The following DSTYK variants were observed in gnomAD, a reference collection of about 807,000 sequenced individuals.
DSTYK encodes RIP-homologous kinase.
Under a neutral mutation model 98.7 loss-of-function variants are expected in DSTYK, and 34 were observed. That is an observed-to-expected ratio of 0.34 (90% CI 0.26 to 0.46). The LOEUF is 0.46. Among genes scored for constraint, DSTYK ranks in the 20% least tolerant of loss-of-function variants. DSTYK has a pLI of 1.00. For synonymous variants in DSTYK, 462 were observed against 457.3 expected, an observed-to-expected ratio of 1.01 and a Z score of -0.13; for missense variants, 962 against 1,181.7, an observed-to-expected ratio of 0.81 and a Z score of 2.73.
At chr1:205,186,126 G>T (rs1658552709) in intron 2 of DSTYK, among the ~76,000 whole-genome samples, 1 of 152,234 alleles carries the variant, frequency 6.6e-6, no homozygotes, top group African/African-American at 2.4e-5. Context: ...ACTACAGAGA[G>T]ACTGTGTATG....
intron 2 of DSTYK, among the ~76,000 whole-genome samples, chr1:205,171,388 T>C (rs981216229): frequency 6.7e-6 from 1 of 149,904 alleles, no homozygotes; most frequent in African/African-American, 2.5e-5. Context: ...GAGGCGGAGG[T>C]TGCAGTGAGC....
chr1:205,179,945 T>C (rs1333370546), intron 2 of DSTYK, among the ~76,000 whole-genome samples: 3 of 152,162 alleles, frequency 2.0e-5, no homozygotes, highest in Admixed American at 1.3e-4. Context: ...GGAAGCCATT[T>C]GGTGCAGGAA....
At chr1:205,185,788 T>C (rs1257103434) in intron 2 of DSTYK, among the ~76,000 whole-genome samples, 2 of 150,724 alleles carry the variant, frequency 1.3e-5, no homozygotes, top group Non-Finnish European at 3.0e-5. Flanking sequence ...CTTTGGGAGG[T>C]TGAGGTGGGT....
intron 1 of DSTYK, chr1:205,202,512 T>G (rs763287208): frequency 1.8e-4 from 158 of 865,460 alleles, no homozygotes; most frequent in Middle Eastern, 3.4e-4. Flanking sequence ...AGGGTTTAGA[T>G]GTAGATTCTC....
chr1:205,177,202 A>G (rs1658257781), intron 2 of DSTYK, among the ~76,000 whole-genome samples: 1 of 152,166 alleles, frequency 6.6e-6, no homozygotes, highest in Non-Finnish European at 1.5e-5. Flanking sequence ...GTGAGACCCT[A>G]TTTCTAAAAT....
chr1:205,200,907 T>A (rs1458065270), intron 1 of DSTYK, among the ~76,000 whole-genome samples: 1 of 151,302 alleles, frequency 6.6e-6, no homozygotes, highest in Non-Finnish European at 1.5e-5. Context: ...AATAATAATT[T>A]AATTTTTTTT....
rs188383412 is a variant in DSTYK, at chr1:205,173,136, G to A, written c.655-3304C>T. The A allele has an allele frequency of 2.6e-3, 396 of 152,310 alleles. 2 individuals are homozygous for A. Among genetic ancestry groups the A allele is most frequent in the Middle Eastern group, 0.01 (3 of 296 alleles). The allele number at this position is 152,310 out of a possible 1,614,324, so 9.4% of individuals were successfully genotyped here. ...AGGCTGGGTGTGGTGGCTCACACTT[G>A]TAATCCCAGCACTTTGGGAGGCTGG... On this transcript the variant is annotated intron_variant, in intron 2 of 12. Transcript: ENST00000367162.
At chr1:205,207,773 AAAAAAAAAAAAAAAAAAAAAG>A (rs1659251847) in intron 1 of DSTYK, among the ~76,000 whole-genome samples, 5 of 95,970 alleles carry the variant, frequency 5.2e-5, no homozygotes, top group Admixed American at 1.2e-4. Flanking sequence ...AAAAAAAAAA[AAAAAAAAAAAAAAAAAAAAAG>A]AAAAAAAATA....
At chr1:205,208,526 T>C (rs1208540997) in intron 1 of DSTYK, among the ~76,000 whole-genome samples, 2 of 152,188 alleles carry the variant, frequency 1.3e-5, no homozygotes, top group African/African-American at 2.4e-5. Context: ...AGGGTAAGAA[T>C]TGAGTGTTCC....
intron 2 of DSTYK, among the ~76,000 whole-genome samples, chr1:205,179,077 C>A (rs1658317067): frequency 6.6e-6 from 1 of 150,940 alleles, no homozygotes; most frequent in African/African-American, 2.4e-5. Flanking sequence ...TGCAGTGAGC[C>A]AAGATCTTGC....
chr1:205,189,457 T>A (rs987108336), intron 1 of DSTYK, among the ~76,000 whole-genome samples: 1 of 152,186 alleles, frequency 6.6e-6, no homozygotes, highest in African/African-American at 2.4e-5. Context: ...GCCAAACACA[T>A]CCATCATAAC....
chr1:205,176,106 T>C (rs886856988), intron 2 of DSTYK, among the ~76,000 whole-genome samples: 1 of 152,226 alleles, frequency 6.6e-6, no homozygotes, highest in African/African-American at 2.4e-5. Flanking sequence ...AGATTTCTCT[T>C]GTAGAACGCA....
chr1:205,199,209 C>A (rs755591311), intron 1 of DSTYK, among the ~76,000 whole-genome samples: 1 of 152,134 alleles, frequency 6.6e-6, no homozygotes, highest in Non-Finnish European at 1.5e-5. Flanking sequence ...TATAATAAAG[C>A]CCAACTCCAA....
intron 2 of DSTYK, among the ~76,000 whole-genome samples, chr1:205,182,235 T>C (rs937066680): frequency 1.3e-4 from 20 of 151,100 alleles, no homozygotes; most frequent in Non-Finnish European, 2.4e-4. Flanking sequence ...ACCCCGCCTC[T>C]ATAAAAAACA....
intron 11 of DSTYK, among the ~76,000 whole-genome samples, chr1:205,149,952 G>A (rs1657355127): frequency 1.3e-5 from 2 of 152,288 alleles, no homozygotes; most frequent in South Asian, 4.1e-4. Context: ...GAGACAGAAA[G>A]TCCTAGTCTT....
intron 1 of DSTYK, chr1:205,202,072 G>A (rs1659055532): frequency 5.2e-6 from 2 of 381,346 alleles, no homozygotes; most frequent in South Asian, 2.0e-5. Flanking sequence ...CTCGGGAAGG[G>A]GAGAGGGGAA....
intron 2 of DSTYK, among the ~76,000 whole-genome samples, chr1:205,182,193 G>A (rs1388255888): frequency 6.6e-6 from 1 of 151,788 alleles, no homozygotes; most frequent in Non-Finnish European, 1.5e-5. Context: ...TTGAGCTCAA[G>A]TGTTTGGGAC....
intron 1 of DSTYK, among the ~76,000 whole-genome samples, chr1:205,198,270 C>T (rs1249275770): frequency 2.0e-5 from 3 of 152,118 alleles, no homozygotes; most frequent in African/African-American, 7.2e-5. Flanking sequence ...TGTAGTGGCC[C>T]CTTATGTTTA....
At chr1:205,159,405 T>A (rs1249400251) in intron 9 of DSTYK, 142 bp downstream of exon 9, 1 of 1,131,016 alleles carries the variant, frequency 8.8e-7, no homozygotes, top group South Asian at 1.7e-5. Context: ...TCTTTAAGGG[T>A]TTTTGGAAAT....
Sources: allele counts gnomAD v4.1 joint callset (sites outside exome capture counted in the v4.1 genomes callset), GRCh38; gene constraint gnomAD v4.1.1; transcripts MANE v1.5; gene names NCBI Gene and HGNC (gene_info 2026-07-23, HGNC 2026-07-21).